Variants in SPSB1 observed in about 807,000 individuals in gnomAD.
SPSB1 encodes SPRY domain-containing SOCS box protein 1.
SPSB1 carries 8 observed loss-of-function variants against 21.2 expected under a neutral mutation model. The observed-to-expected ratio is 0.38, with a 90% CI of 0.22 to 0.68. The LOEUF (loss-of-function observed/expected upper bound fraction) is 0.68, where lower values mean the gene tolerates loss of function less well. Among genes scored for constraint, SPSB1 ranks in the 30% least tolerant of loss-of-function variants. The pLI, the probability that SPSB1 is intolerant of heterozygous loss-of-function variation, is 0.53. For synonymous variants in SPSB1, 169 were observed against 161.7 expected (o/e 1.05, Z -0.34); for missense variants, 242 against 377.8 (o/e 0.64, Z 2.98).
Position 9,367,602 on chromosome 1 carries a change from C to T in SPSB1, c.*27C>T, listed in dbSNP as rs773961593. The T allele has an allele frequency of 3.8e-6, 6 of 1,572,170 alleles. No homozygotes were observed. The highest frequency in any genetic ancestry group is 5.2e-6 in the Non-Finnish European group (6 of 1,156,982). ...GTTCGCCATCATACCGCCAGCGCGA[C>T]AGCCACCTGGTGCCAACTCACTGAG... is the stretch of plus-strand genomic sequence containing the variant. On this transcript the variant is annotated 3_prime_UTR_variant, in exon 3 of 3. Transcript: ENST00000328089. The surrounding 1 kb of genome is among the most constrained non-coding windows in gnomAD (Gnocchi z 5.9).
At chr1:9,297,592 G>A (rs918621211) in intron 1 of SPSB1, among the ~76,000 whole-genome samples, 14 of 152,146 alleles carry the variant, frequency 9.2e-5, no homozygotes, top group African/African-American at 3.4e-4. Flanking sequence ...GGATCTGGCC[G>A]AATTTATGGA....
intron 1 of SPSB1, among the ~76,000 whole-genome samples, chr1:9,312,468 A>G (rs1639536766): frequency 6.6e-6 from 1 of 152,168 alleles, no homozygotes; most frequent in South Asian, 2.1e-4. Flanking sequence ...TTGTAAATGT[A>G]CACATTGATG....
intron 1 of SPSB1, among the ~76,000 whole-genome samples, chr1:9,343,749 G>A (rs1448314220): frequency 1.3e-5 from 2 of 152,046 alleles, no homozygotes; most frequent in Non-Finnish European, 2.9e-5. Context: ...CTTTTCCCTT[G>A]TGCTCTTGTA....
At chr1:9,310,892 C>T (rs547199795) in intron 1 of SPSB1, among the ~76,000 whole-genome samples, 6 of 152,152 alleles carry the variant, frequency 3.9e-5, no homozygotes, top group Non-Finnish European at 8.8e-5. Flanking sequence ...CCACAGCGTG[C>T]TTAATTTATT....
At chr1:9,351,323 C>T (rs886856697) in intron 1 of SPSB1, 1 of 152,262 alleles carries the variant, frequency 6.6e-6, no homozygotes, top group African/African-American at 2.4e-5. Flanking sequence ...CAGCGTCCCT[C>T]TGTAGGGCCA....
At chr1:9,359,571 A>G (rs1401123546) in intron 2 of SPSB1, among the ~76,000 whole-genome samples, 2 of 151,910 alleles carry the variant, frequency 1.3e-5, no homozygotes, top group African/African-American at 2.4e-5. Flanking sequence ...GCGTGGTGGC[A>G]TGCACCTGTA....
chr1:9,353,643 G>T (rs1640310559), intron 1 of SPSB1, among the ~76,000 whole-genome samples: 1 of 152,080 alleles, frequency 6.6e-6, no homozygotes, highest in African/African-American at 2.4e-5. Flanking sequence ...TCTATGGCTG[G>T]GCGCAGTGGT....
intron 1 of SPSB1, among the ~76,000 whole-genome samples, chr1:9,297,630 A>ACTTGATGTTGTAG (rs751143857): frequency 1.6e-4 from 24 of 151,742 alleles, no homozygotes; most frequent in Non-Finnish European, 3.4e-4. Flanking sequence ...GAGATTCTGC[A>ACTTGATGTTGTAG]CTTGATGTTG....
intron 1 of SPSB1, among the ~76,000 whole-genome samples, chr1:9,295,804 C>T (rs921119777): frequency 6.6e-6 from 1 of 152,158 alleles, no homozygotes; most frequent in Non-Finnish European, 1.5e-5. Context: ...TTCATGAGTT[C>T]GTCTGGGCAT....
chr1:9,323,580 G>A (rs1344177526), intron 1 of SPSB1, among the ~76,000 whole-genome samples: 2 of 152,196 alleles, frequency 1.3e-5, no homozygotes, highest in African/African-American at 4.8e-5. Flanking sequence ...TTTAGCCTTC[G>A]TGGAATCCAG....
In SPSB1 at chr1:9,326,578, A is replaced by C. The variant is rs549064260; in HGVS notation, c.-149-29165A>C. 1.4e-3 allele frequency among the ~76,000 whole-genome samples: 214 copies of C among 152,286 alleles called. 3 individuals are homozygous for C. The highest frequency in any genetic ancestry group is 5.0e-3 in the African/African-American group (207 of 41,560). ...GGGCTTGGTTTGCTCTGAGTGGGAC[A>C]TGGGGTGTGAGTCTGAGAGCCCCAA... On this transcript the variant is annotated intron_variant, in intron 1 of 2. Coordinates refer to ENST00000328089, the MANE Select transcript of SPSB1 (RefSeq NM_025106.4).
chr1:9,325,164 G>A (rs1312980792), intron 1 of SPSB1, among the ~76,000 whole-genome samples: 5 of 152,140 alleles, frequency 3.3e-5, no homozygotes, highest in South Asian at 2.1e-4. Flanking sequence ...CAGCCGGGGC[G>A]CTGGGCATCC....
intron 1 of SPSB1, among the ~76,000 whole-genome samples, chr1:9,297,266 T>C (rs1252832110): frequency 6.6e-6 from 1 of 152,100 alleles, no homozygotes; most frequent in East Asian, 1.9e-4. Context: ...TAGGGAGGCA[T>C]TGGGTGATTT....
At position 9,356,180 on chromosome 1, in the gene SPSB1, C is replaced by T; in HGVS notation, c.289C>T (p.Leu97=). Residue 97 remains leucine (L), a synonymous_variant, in exon 2 of 3, where the codon CTG becomes TTG. Transcript: ENST00000328089. The surrounding 1 kb of genome is among the most constrained non-coding windows in gnomAD (Gnocchi z 7.4). The part of the protein sequence containing the change: ...IRGKVGYTRG[L]HVWQITWAMR... The stretch of plus-strand genomic sequence containing the variant: ...GGGCAAAGTCGGGTATACCCGTGGG[C>T]TGCACGTGTGGCAGATCACGTGGGC... 7 of 1,586,822 alleles carry T rather than the reference C, an allele frequency of 4.4e-6. No homozygotes were observed. Among genetic ancestry groups the T allele is most frequent in the Non-Finnish European group, 6.0e-6 (7 of 1,164,140 alleles).
chr1:9,339,358 T>G, intron 1 of SPSB1: 1 of 933,456 alleles, frequency 1.1e-6, no homozygotes, highest in Non-Finnish European at 1.3e-6. Context: ...GACTTAGGGC[T>G]GTGACTCACC....
At position 9,346,787 on chromosome 1, in the gene SPSB1, C is replaced by T. The variant is rs1198637521; in HGVS notation, c.-149-8956C>T. 3.3e-5 allele frequency among the ~76,000 whole-genome samples: 5 copies of T among 152,328 alleles called. No homozygotes were observed. The East Asian group carries it at 7.7e-4, about 24-fold the overall frequency. ...TGGGGCCACCTCACCTGGCCTTTGC[C>T]ACATGCAGAGCTGCTGTGCAGCTGC... On this transcript the variant is annotated intron_variant, in intron 1 of 2. Coordinates refer to ENST00000328089, the MANE Select transcript of SPSB1 (RefSeq NM_025106.4). The surrounding 1 kb of genome is among the most constrained non-coding windows in gnomAD (Gnocchi z 4.4).
chr1:9,313,169 G>C (rs769284065), intron 1 of SPSB1, among the ~76,000 whole-genome samples: 1 of 152,182 alleles, frequency 6.6e-6, no homozygotes, highest in Non-Finnish European at 1.5e-5. Flanking sequence ...GGCTGAGGCG[G>C]GTGGATCACC....
chr1:9,333,423 C>T (rs1466336303), intron 1 of SPSB1, among the ~76,000 whole-genome samples: 4 of 149,776 alleles, frequency 2.7e-5, no homozygotes, highest in African/African-American at 9.9e-5. Flanking sequence ...CTCCGCCTCC[C>T]AGGTTCAGGC....
In SPSB1 at chr1:9,345,723, G is replaced by A. The variant is rs180877198; in HGVS notation, c.-149-10020G>A. Among the ~76,000 whole-genome samples the A allele has an allele frequency of 3.9e-5, 6 of 152,354 alleles. No individual in the cohort carries two copies. The highest frequency in any genetic ancestry group is 7.3e-5 in the Non-Finnish European group (5 of 68,030). On this transcript the variant is annotated intron_variant, in intron 1 of 2. Coordinates refer to ENST00000328089, the MANE Select transcript of SPSB1 (RefSeq NM_025106.4). The surrounding 1 kb of genome is among the most constrained non-coding windows in gnomAD (Gnocchi z 4.8). ...CCTTCCATAGGTGTTTACAGCAGGT[G>A]CATTTTGGGTCTTTTGAGGTCAGGG...
Sources: gnomAD v4.1 joint callset for allele counts (sites outside exome capture counted in the v4.1 genomes callset) on GRCh38, gnomAD v4.1.1 for gene constraint, Gnocchi (gnomAD v3.1) non-coding constraint, MANE v1.5 for transcripts, NCBI Gene and HGNC (gene_info 2026-07-23, HGNC 2026-07-21) for gene names.